The following SEZ6L variants were observed in gnomAD, a reference collection of about 807,000 sequenced individuals.
The protein encoded by SEZ6L is seizure 6-like protein.
SEZ6L carries 37 observed loss-of-function variants against 106.2 expected under a neutral mutation model. That is an observed-to-expected ratio of 0.35 (90% CI 0.27 to 0.46). The LOEUF is 0.46. Ranked by LOEUF, SEZ6L falls within the 20% of genes least tolerant of loss-of-function variation. The pLI, the probability that SEZ6L is intolerant of heterozygous loss-of-function variation, is 1.00. For synonymous variants in SEZ6L, 541 were observed against 570.4 expected (o/e 0.95, Z 0.73); for missense variants, 1,172 against 1,332.8 (o/e 0.88, Z 1.88).
Position 26,227,435 on chromosome 22 carries a change from T to A in SEZ6L, c.94+57672T>A, listed in dbSNP as rs149035400. 5.9e-3 allele frequency among the ~76,000 whole-genome samples: 900 copies of A among 152,268 alleles called. 4 individuals carry two copies. Among genetic ancestry groups the A allele is most frequent in the Non-Finnish European group, 8.7e-3 (590 of 68,020 alleles). ...CTTTGTTTTATTTTTAGAGTTGAGG[T>A]CTCATTCTGTTGCCCAGGCTGGAGG... On this transcript the variant is annotated intron_variant, in intron 1 of 16. Transcript: ENST00000248933.
intron 13 of SEZ6L, among the ~76,000 whole-genome samples, chr22:26,371,174 C>G (rs1209380): frequency 0.2 from 30,180 of 152,074 alleles, 3,483 homozygotes; most frequent in African/African-American, 0.31. Context: ...GACATCAGTT[C>G]TCTTCCAGTT....
intron 1 of SEZ6L, among the ~76,000 whole-genome samples, chr22:26,217,495 T>C (rs1303474191): frequency 3.9e-5 from 6 of 152,356 alleles, no homozygotes; most frequent in African/African-American, 1.4e-4. Flanking sequence ...TACTTCTCTT[T>C]CAGACCTCAG....
chr22:26,192,126 A>T (rs1199239042), intron 1 of SEZ6L, among the ~76,000 whole-genome samples: 2 of 152,014 alleles, frequency 1.3e-5, no homozygotes, highest in Non-Finnish European at 2.9e-5. Flanking sequence ...TCATCCATTC[A>T]TCTGTTCATC....
chr22:26,376,068 G>A (rs2084213927), intron 15 of SEZ6L, among the ~76,000 whole-genome samples: 1 of 152,106 alleles, frequency 6.6e-6, no homozygotes, highest in Admixed American at 6.5e-5. Flanking sequence ...GGTGTTGAGG[G>A]TCTAGAAACT....
intron 10 of SEZ6L, among the ~76,000 whole-genome samples, chr22:26,341,439 G>A (rs1475847254): frequency 3.9e-5 from 6 of 151,976 alleles, no homozygotes; most frequent in East Asian, 1.9e-4. Context: ...AACCCTGGAG[G>A]GTCCCAGGCT....
intron 1 of SEZ6L, among the ~76,000 whole-genome samples, chr22:26,238,812 A>G (rs1194016330): frequency 6.6e-6 from 1 of 152,234 alleles, no homozygotes; most frequent in Non-Finnish European, 1.5e-5. Flanking sequence ...GATTCAAACC[A>G]GTTCCTTCCA....
At chr22:26,329,835 T>G (rs1569465743) in intron 9 of SEZ6L, among the ~76,000 whole-genome samples, 1 of 152,250 alleles carries the variant, frequency 6.6e-6, no homozygotes. Flanking sequence ...AAAACAACTT[T>G]AAACATGTCC....
chr22:26,373,651 G>A (rs2084119203), intron 14 of SEZ6L, among the ~76,000 whole-genome samples, 168 bp downstream of exon 14: 1 of 152,084 alleles, frequency 6.6e-6, no homozygotes, highest in Non-Finnish European at 1.5e-5. Flanking sequence ...AAAAAATTAT[G>A]GGATTTGCAA....
intron 1 of SEZ6L, among the ~76,000 whole-genome samples, chr22:26,282,654 TAGAGAAAGCTCG>T (rs2080809198): frequency 6.6e-6 from 1 of 152,182 alleles, no homozygotes; most frequent in African/African-American, 2.4e-5. Flanking sequence ...AAGCGGCATC[TAGAGAAAGCTCG>T]AGAGTACCTC....
At chr22:26,223,155 T>G (rs1465285756) in intron 1 of SEZ6L, among the ~76,000 whole-genome samples, 1 of 152,202 alleles carries the variant, frequency 6.6e-6, no homozygotes, top group African/African-American at 2.4e-5. Flanking sequence ...ATTCTTTCCT[T>G]AGCTGTTCTG....
At chr22:26,255,584 G>A (rs1400872005) in intron 1 of SEZ6L, among the ~76,000 whole-genome samples, 2 of 152,178 alleles carry the variant, frequency 1.3e-5, no homozygotes, top group African/African-American at 4.8e-5. Flanking sequence ...AATTTTTGCC[G>A]AGACAGAGGG....
chr22:26,217,945 C>T (rs1282835447), intron 1 of SEZ6L, among the ~76,000 whole-genome samples: 2 of 152,230 alleles, frequency 1.3e-5, no homozygotes, highest in Non-Finnish European at 2.9e-5. Context: ...AACACAGACA[C>T]AGGCTCCCTC....
intron 1 of SEZ6L, among the ~76,000 whole-genome samples, chr22:26,199,726 A>G (rs1399426642): frequency 1.3e-5 from 2 of 152,190 alleles, no homozygotes; most frequent in East Asian, 1.9e-4. Context: ...CCTTCTCCTA[A>G]GTTATACTCT....
intron 9 of SEZ6L, among the ~76,000 whole-genome samples, chr22:26,333,472 C>A (rs1359359558): frequency 6.6e-6 from 1 of 152,164 alleles, no homozygotes; most frequent in Non-Finnish European, 1.5e-5. Flanking sequence ...TGAGAGGAGT[C>A]CCCTTCCCAA....
At chr22:26,186,644 G>T (rs1264243517) in intron 1 of SEZ6L, among the ~76,000 whole-genome samples, 1 of 152,160 alleles carries the variant, frequency 6.6e-6, no homozygotes, top group African/African-American at 2.4e-5. Context: ...GACCTGATCA[G>T]ATATGGAAGG....
chr22:26,364,710 A>C (rs2083748726), intron 12 of SEZ6L: 11 of 152,330 alleles, frequency 7.2e-5, no homozygotes, highest in Admixed American at 7.2e-4. Flanking sequence ...TGATAGGCTC[A>C]TCTCCAATGA....
At chr22:26,276,511 C>T (rs1285544758) in intron 1 of SEZ6L, among the ~76,000 whole-genome samples, 1 of 152,230 alleles carries the variant, frequency 6.6e-6, no homozygotes, top group East Asian at 1.9e-4. Flanking sequence ...TTTAAACTCA[C>T]TTGGCAAACT....
rs373227042 is a variant in SEZ6L, at chr22:26,204,335, T to C, written c.94+34572T>C. Among the ~76,000 whole-genome samples the C allele has an allele frequency of 3.9e-5, 6 of 152,200 alleles. No individual in the cohort carries two copies. The South Asian group carries it at 6.2e-4, about 16-fold the overall frequency. ...TGTGATGGGTGCTTGAAAATAACAG[T>C]ATAGAGGGCTTTAAAATAATAGCCA... On this transcript the variant is annotated intron_variant, in intron 1 of 16. Coordinates refer to ENST00000248933, the MANE Select transcript of SEZ6L (RefSeq NM_021115.5).
chr22:26,215,863 G>C (rs1174516580), intron 1 of SEZ6L, among the ~76,000 whole-genome samples: 1 of 152,182 alleles, frequency 6.6e-6, no homozygotes, highest in Non-Finnish European at 1.5e-5. Flanking sequence ...CATCTTGACT[G>C]ATGAGCTGAG....
Sources: allele counts gnomAD v4.1 joint callset (sites outside exome capture counted in the v4.1 genomes callset), GRCh38; gene constraint gnomAD v4.1.1; transcripts MANE v1.5; gene names NCBI Gene and HGNC (gene_info 2026-07-23, HGNC 2026-07-21).